The following CACNA2D3 variants were observed in gnomAD, a reference collection of about 807,000 sequenced individuals.
The protein encoded by CACNA2D3 is calcium voltage-gated channel auxiliary subunit alpha2delta 3.
A neutral mutation model predicts 160.6 loss-of-function variants in CACNA2D3; 60 were observed. That is an observed-to-expected ratio of 0.37 (90% CI 0.30 to 0.46). The LOEUF (loss-of-function observed/expected upper bound fraction) is 0.46, where lower values mean the gene tolerates loss of function less well. Ranked by LOEUF, CACNA2D3 falls within the 20% of genes least tolerant of loss-of-function variation. The pLI is 1.00. For synonymous variants in CACNA2D3, 558 were observed against 492.9 expected (o/e 1.13, Z -1.75); for missense variants, 1,205 against 1,365.0 (o/e 0.88, Z 1.85).
intron 13 of CACNA2D3, among the ~76,000 whole-genome samples, chr3:54,772,924 C>G (rs570795389): frequency 6.6e-6 from 1 of 152,290 alleles, no homozygotes; most frequent in East Asian, 1.9e-4. Context: ...CTGATCAGCC[C>G]CTCCAGGGGA....
In CACNA2D3 at chr3:54,863,583, A is replaced by T. The variant is rs537755550; in HGVS notation, c.1627-7956A>T. On this transcript the variant is annotated intron_variant, in intron 17 of 37. Coordinates refer to ENST00000474759, the MANE Select transcript of CACNA2D3 (RefSeq NM_018398.3). Reference sequence around the variant, plus strand: ...AGCCTCGGTGTGGTAAGCGTGTTTGACCTACAAAAACGGTGGTGGGCTAAG... The same window carrying T: ...AGCCTCGGTGTGGTAAGCGTGTTTGTCCTACAAAAACGGTGGTGGGCTAAG... Among the ~76,000 whole-genome samples, 3 of 152,236 alleles carry T rather than the reference A, an allele frequency of 2.0e-5. No homozygotes were observed. The South Asian group carries it at 6.2e-4, about 32-fold the overall frequency.
intron 11 of CACNA2D3, among the ~76,000 whole-genome samples, chr3:54,707,229 T>C (rs565569917): frequency 3.3e-5 from 5 of 152,348 alleles, no homozygotes; most frequent in South Asian, 4.1e-4. Flanking sequence ...TCAGATCTAA[T>C]TGGCCATGGT....
intron 2 of CACNA2D3, among the ~76,000 whole-genome samples, chr3:54,296,936 C>T (rs1040285560): frequency 2.6e-5 from 4 of 152,156 alleles, no homozygotes; most frequent in Admixed American, 1.3e-4. Flanking sequence ...ATGAACTCAG[C>T]GTCTTTGGAG....
chr3:54,577,519 A>G (rs1368314995), intron 8 of CACNA2D3, among the ~76,000 whole-genome samples: 1 of 152,198 alleles, frequency 6.6e-6, no homozygotes. Flanking sequence ...AGAGTGAGTC[A>G]CTTTGCCGTC....
intron 27 of CACNA2D3, among the ~76,000 whole-genome samples, chr3:54,931,563 C>T (rs1468349234): frequency 6.6e-6 from 1 of 152,162 alleles, no homozygotes; most frequent in Non-Finnish European, 1.5e-5. Flanking sequence ...AGAGCCACTC[C>T]TTAAAGAGGA....
chr3:54,797,526 C>G (rs935112196), intron 13 of CACNA2D3, among the ~76,000 whole-genome samples: 1 of 152,182 alleles, frequency 6.6e-6, no homozygotes, highest in African/African-American at 2.4e-5. Flanking sequence ...GTGGAAGATA[C>G]GACAGTATCA....
chr3:54,831,553 G>C (rs1349063466), intron 14 of CACNA2D3, among the ~76,000 whole-genome samples: 2 of 152,212 alleles, frequency 1.3e-5, no homozygotes, highest in African/African-American at 4.8e-5. Context: ...CATTGTGAAG[G>C]CTTGACATAA....
chr3:54,340,533 G>A (rs1704495058), intron 3 of CACNA2D3, among the ~76,000 whole-genome samples: 1 of 152,210 alleles, frequency 6.6e-6, no homozygotes, highest in Non-Finnish European at 1.5e-5. Context: ...CCTTCTTCCA[G>A]TATTTCAAAA....
chr3:54,727,915 A>G (rs778261387), intron 11 of CACNA2D3, among the ~76,000 whole-genome samples: 22 of 152,220 alleles, frequency 1.4e-4, no homozygotes, highest in Non-Finnish European at 2.1e-4. Flanking sequence ...ATATTAAAAA[A>G]AGATATGTTC....
Position 54,122,628 on chromosome 3 carries a change from C to G in CACNA2D3, c.-86C>G, listed in dbSNP as rs1220089570. On this transcript the variant is annotated 5_prime_UTR_variant, in exon 1 of 38. Coordinates refer to ENST00000474759, the MANE Select transcript of CACNA2D3 (RefSeq NM_018398.3). ...CGGCGCGGAGCGGAGCAGGCAGCCC[C>G]GCGCGCTCGCCCACCGCCCGCTCCG... is the stretch of plus-strand genomic sequence containing the variant. The G allele has an allele frequency of 1.1e-6, 1 of 916,540 alleles. No homozygotes were observed. Among genetic ancestry groups the G allele is most frequent in the Non-Finnish European group, 1.3e-6 (1 of 769,588 alleles). The allele number at this position is 916,540 out of a possible 1,614,324, so 56.8% of individuals were successfully genotyped here. A position where few individuals can be genotyped will look rare whatever the true frequency, so the allele number is the denominator to read the frequency against.
At chr3:54,252,920 C>T (rs1489830560) in intron 2 of CACNA2D3, among the ~76,000 whole-genome samples, 1 of 152,178 alleles carries the variant, frequency 6.6e-6, no homozygotes, top group African/African-American at 2.4e-5. Flanking sequence ...CAATCTTGGT[C>T]TTCATCTGAA....
chr3:55,073,490 G>A lies in CACNA2D3; in HGVS notation c.3033G>A (p.Val1011=). The A allele has an allele frequency of 6.2e-7, 1 of 1,613,888 alleles. No homozygotes were observed. Among genetic ancestry groups the A allele is most frequent in the Non-Finnish European group, 8.5e-7 (1 of 1,179,870 alleles). Reference sequence around the variant, plus strand: ...TCCCAAGCAGCAACCTGTTCATGGTGGTGGTGGACAGCAGCTGCCTCTGTG... The same window carrying A: ...TCCCAAGCAGCAACCTGTTCATGGTAGTGGTGGACAGCAGCTGCCTCTGTG... ...QQIPSSNLFM[V]VVDSSCLCES... Residue 1011 remains valine (V), a synonymous_variant, in exon 36 of 38, where the codon GTG becomes GTA. Coordinates refer to ENST00000474759, the MANE Select transcript of CACNA2D3 (RefSeq NM_018398.3).
chr3:54,123,455 G>A, intron 1 of CACNA2D3, 58 bp from the exon 2 acceptor site: 2 of 1,127,552 alleles, frequency 1.8e-6, no homozygotes, highest in Non-Finnish European at 2.7e-6. Flanking sequence ...GTGCGTGTGC[G>A]TGCGTGTTGA....
At chr3:54,708,812 C>T (rs777101076) in intron 11 of CACNA2D3, among the ~76,000 whole-genome samples, 31 of 152,108 alleles carry the variant, frequency 2.0e-4, no homozygotes, top group Non-Finnish European at 3.4e-4. Flanking sequence ...ATTTATTTTT[C>T]GCCAGACCAG....
At chr3:54,202,221 G>C (rs182714106) in intron 2 of CACNA2D3, among the ~76,000 whole-genome samples, 143 of 152,356 alleles carry the variant, frequency 9.4e-4, no homozygotes, top group African/African-American at 3.2e-3. Flanking sequence ...ACTTGGTGCA[G>C]AAGGGACCTG....
chr3:54,690,759 A>G lies in CACNA2D3; in HGVS notation c.1167+48518A>G, dbSNP rs1323933496. Reference sequence around the variant, plus strand: ...AGAATTTATTTGTTAAAATATGACAAATAGGTTTTGTGCAGTTTGATTACT... The same window carrying G: ...AGAATTTATTTGTTAAAATATGACAGATAGGTTTTGTGCAGTTTGATTACT... On this transcript the variant is annotated intron_variant, in intron 11 of 37. Transcript: ENST00000474759. 3.9e-5 allele frequency among the ~76,000 whole-genome samples: 6 copies of G among 152,282 alleles called. No homozygotes were observed. The East Asian group carries it at 1.2e-3, about 29-fold the overall frequency.
At chr3:54,810,586 C>T (rs76274473) in intron 13 of CACNA2D3, among the ~76,000 whole-genome samples, 1 of 152,174 alleles carries the variant, frequency 6.6e-6, no homozygotes. Flanking sequence ...GGCAAAGGGC[C>T]AGTTTTACAA....
chr3:54,851,296 G>A (rs185741747), intron 17 of CACNA2D3, among the ~76,000 whole-genome samples: 17 of 152,324 alleles, frequency 1.1e-4, no homozygotes, highest in Admixed American at 1.0e-3. Context: ...CCAGGTGGAA[G>A]ATACATCTAG....
intron 4 of CACNA2D3, among the ~76,000 whole-genome samples, chr3:54,402,095 C>T (rs1699477826): frequency 6.6e-6 from 1 of 151,882 alleles, no homozygotes; most frequent in Non-Finnish European, 1.5e-5. Context: ...TTTGCATAAA[C>T]CATATGGCAC....
Sources: allele counts gnomAD v4.1 joint callset (sites outside exome capture counted in the v4.1 genomes callset), GRCh38; gene constraint gnomAD v4.1.1; transcripts MANE v1.5; gene names NCBI Gene and HGNC (gene_info 2026-07-23, HGNC 2026-07-21).